The following PDZRN3 variants were observed in gnomAD, a reference collection of about 807,000 sequenced individuals.
The protein encoded by PDZRN3 is E3 ubiquitin-protein ligase PDZRN3.
In PDZRN3, 38 loss-of-function variants were observed where a neutral mutation model predicts 85.7. The ratio of observed to expected loss-of-function variants is 0.44; its 90% CI spans 0.34 to 0.58. The LOEUF is 0.58. Ranked by LOEUF, PDZRN3 falls within the 20% of genes least tolerant of loss-of-function variation. The pLI, the probability that PDZRN3 is intolerant of heterozygous loss-of-function variation, is 0.01. For synonymous variants in PDZRN3, 759 were observed against 638.0 expected (o/e 1.19, Z -2.86); for missense variants, 1,629 against 1,506.4 (o/e 1.08, Z -1.35).
At chr3:73,464,566 C>T (rs1309307221) in intron 3 of PDZRN3, among the ~76,000 whole-genome samples, 1 of 152,122 alleles carries the variant, frequency 6.6e-6, no homozygotes, top group Admixed American at 6.5e-5. Flanking sequence ...CTCTTCCCTT[C>T]CAGTTTCTGT....
chr3:73,463,313 T>C (rs928980611), intron 3 of PDZRN3, among the ~76,000 whole-genome samples: 1 of 152,178 alleles, frequency 6.6e-6, no homozygotes, highest in African/African-American at 2.4e-5. Context: ...ATTTGAAAGG[T>C]GCCTGGTTAC....
intron 3 of PDZRN3, among the ~76,000 whole-genome samples, chr3:73,522,369 A>C (rs1704388411): frequency 6.6e-6 from 1 of 152,238 alleles, no homozygotes; most frequent in Non-Finnish European, 1.5e-5. Context: ...AAGACATTTT[A>C]ACTTACCTTG....
Position 73,624,627 on chromosome 3 carries a change from G to T in PDZRN3, c.199C>A (p.His67Asn). ...RGRLSAKELN[H>N]VLPLKRLILK... is the part of the protein sequence containing the mutation. The stretch of plus-strand genomic sequence containing the variant: ...ATAAGGCGCTTGAGCGGCAGGACGT[G>T]GTTGAGCTCTTTGGCCGACAGGCGA... Residue 67 changes from histidine to asparagine, a missense_variant, in exon 1 of 10, where the codon CAC becomes AAC. His to Asn is a moderately conservative substitution (Grantham distance 68, BLOSUM62 1). Coordinates refer to ENST00000263666, the MANE Select transcript of PDZRN3 (RefSeq NM_015009.3). 6.4e-7 allele frequency: 1 copy of T among 1,556,718 alleles called. No homozygotes were observed.
intron 1 of PDZRN3, among the ~76,000 whole-genome samples, chr3:73,619,664 T>A (rs766785922): frequency 6.6e-6 from 1 of 152,056 alleles, no homozygotes; most frequent in Non-Finnish European, 1.5e-5. Context: ...GGCACATGCA[T>A]CGACTCTCAG....
At chr3:73,594,119 CAG>C (rs1702399436) in intron 3 of PDZRN3, 1 of 151,980 alleles carries the variant, frequency 6.6e-6, no homozygotes, top group South Asian at 2.1e-4. Context: ...AAAATAATGA[CAG>C]TAATAAATAT....
intron 6 of PDZRN3, 62 bp from the exon 7 acceptor site, chr3:73,389,940 C>T (rs1237899845): frequency 8.7e-7 from 1 of 1,155,466 alleles, no homozygotes; most frequent in African/African-American, 1.5e-5. Context: ...AGCAACAGCA[C>T]TTTCAAAACC....
At chr3:73,620,100 C>A (rs553318664) in intron 1 of PDZRN3, among the ~76,000 whole-genome samples, 12 of 152,304 alleles carry the variant, frequency 7.9e-5, no homozygotes, top group East Asian at 3.9e-4. Flanking sequence ...ACCACCACCA[C>A]CAACAACACA....
intron 3 of PDZRN3, among the ~76,000 whole-genome samples, chr3:73,596,972 G>C (rs1256029845): frequency 6.6e-6 from 1 of 152,154 alleles, no homozygotes; most frequent in Non-Finnish European, 1.5e-5. Context: ...ATAAAGAGTA[G>C]AGGAAGAAAA....
At position 73,401,553 on chromosome 3, in the gene PDZRN3, T is replaced by C. The variant is rs1481278794; in HGVS notation, c.1167-544A>G. Among the ~76,000 whole-genome samples the C allele has an allele frequency of 2.0e-5, 3 of 152,352 alleles. No homozygotes were observed. In the East Asian group the frequency reaches 5.8e-4, roughly 29 times the overall value. On this transcript the variant is annotated intron_variant, in intron 4 of 9. Transcript: ENST00000263666. ...CACAAACGTACAGTATGCACTTACA[T>C]GGTTGAAATGCACATACAAACATGT...
chr3:73,386,172 GAA>G (rs918408185), intron 8 of PDZRN3, among the ~76,000 whole-genome samples: 2 of 144,326 alleles, frequency 1.4e-5, no homozygotes, highest in Non-Finnish European at 3.0e-5. Context: ...TTTTCAGTGT[GAA>G]AAGAGTTCTT....
chr3:73,559,821 T>G (rs148657109), intron 3 of PDZRN3, among the ~76,000 whole-genome samples: 158 of 152,288 alleles, frequency 1.0e-3, no homozygotes, highest in African/African-American at 3.5e-3. Flanking sequence ...TGTGTGCAAT[T>G]AAAACAAAGC....
chr3:73,409,441 C>T (rs962632051), intron 3 of PDZRN3, among the ~76,000 whole-genome samples: 2 of 152,204 alleles, frequency 1.3e-5, no homozygotes, highest in Non-Finnish European at 2.9e-5. Context: ...ATCTGTCTAT[C>T]TTTCAGTCAT....
chr3:73,624,397 C>A lies in PDZRN3; in HGVS notation c.429G>T (p.Gln143His). 1 of 1,305,974 alleles carries A rather than the reference C, an allele frequency of 7.7e-7. No individual in the cohort carries two copies. Among genetic ancestry groups the A allele is most frequent in the Non-Finnish European group, 9.7e-7 (1 of 1,032,624 alleles). 80.9% of individuals were successfully genotyped at this position (1,305,974 alleles called of 1,614,324 possible). ...GCGTCAAGGGTAGCCCGCAGCCCTC[C>A]TGGCAGCGGCCCACTGGCCGCGCGT... ...ACDARPVGRC[Q>H]EGCGLPLTHG... Residue 143 changes from glutamine (Q) to histidine (H), a missense_variant, in exon 1 of 10, where the codon CAG (glutamine) becomes CAT (histidine). Coordinates refer to ENST00000263666, the MANE Select transcript of PDZRN3 (RefSeq NM_015009.3).
chr3:73,466,711 T>G (rs1703225511), intron 3 of PDZRN3, among the ~76,000 whole-genome samples: 1 of 152,224 alleles, frequency 6.6e-6, no homozygotes, highest in African/African-American at 2.4e-5. Context: ...CAAATTGTTT[T>G]GATGTGGATC....
At chr3:73,468,708 C>T (rs1703272981) in intron 3 of PDZRN3, among the ~76,000 whole-genome samples, 1 of 152,140 alleles carries the variant, frequency 6.6e-6, no homozygotes, top group African/African-American at 2.4e-5. Flanking sequence ...TTTAAAAGCA[C>T]CCCCACCCAA....
intron 3 of PDZRN3, among the ~76,000 whole-genome samples, chr3:73,532,280 C>T (rs111304442): frequency 6.6e-6 from 1 of 152,098 alleles, no homozygotes; most frequent in Non-Finnish European, 1.5e-5. Context: ...GGATTACAGG[C>T]GTGAGGTACG....
intron 3 of PDZRN3, among the ~76,000 whole-genome samples, chr3:73,466,745 T>C (rs1703226359): frequency 6.6e-6 from 1 of 152,216 alleles, no homozygotes; most frequent in Non-Finnish European, 1.5e-5. Context: ...TTTATTATAA[T>C]ATAAATCTTG....
At chr3:73,615,691 C>A (rs989580539) in intron 1 of PDZRN3, among the ~76,000 whole-genome samples, 1 of 152,106 alleles carries the variant, frequency 6.6e-6, no homozygotes, top group Admixed American at 6.6e-5. Context: ...TCCAAAATTA[C>A]GAGAAATAAA....
At chr3:73,559,486 G>C (rs1575736103) in intron 3 of PDZRN3, among the ~76,000 whole-genome samples, 1 of 152,146 alleles carries the variant, frequency 6.6e-6, no homozygotes, top group South Asian at 2.1e-4. Flanking sequence ...TCTATATTAA[G>C]GAGAACCTCT....
Sources: gnomAD v4.1 joint callset for allele counts (sites outside exome capture counted in the v4.1 genomes callset) on GRCh38, gnomAD v4.1.1 for gene constraint, MANE v1.5 for transcripts, NCBI Gene and HGNC (gene_info 2026-07-23, HGNC 2026-07-21) for gene names.